Variants in VWC2L observed in about 807,000 individuals in gnomAD.
VWC2L encodes the protein von Willebrand factor C domain containing 2 like.
In VWC2L, 10 loss-of-function variants were observed where a neutral mutation model predicts 21.6. The ratio of observed to expected loss-of-function variants is 0.46; its 90% CI spans 0.29 to 0.78. The LOEUF (loss-of-function observed/expected upper bound fraction) is 0.78, where lower values mean the gene tolerates loss of function less well. Among genes scored for constraint, VWC2L ranks in the 30% least tolerant of loss-of-function variants. The pLI is 0.10. For missense variants in VWC2L, 209 were observed against 277.1 expected (o/e 0.75, Z 1.74); for synonymous variants, 96 against 94.3 (o/e 1.02, Z -0.10).
At chr2:214,511,852 T>G (rs1049985257) in intron 3 of VWC2L, among the ~76,000 whole-genome samples, 26 of 143,450 alleles carry the variant, frequency 1.8e-4, no homozygotes, top group Non-Finnish European at 1.5e-5. Flanking sequence ...ACTTTATATA[T>G]ATATACTCTA....
At chr2:214,490,683 CAGG>C (rs965564837) in intron 3 of VWC2L, among the ~76,000 whole-genome samples, 3 of 152,078 alleles carry the variant, frequency 2.0e-5, no homozygotes, top group African/African-American at 7.2e-5. Flanking sequence ...TTACAAGTGC[CAGG>C]AGAAGAAAGT....
intron 3 of VWC2L, among the ~76,000 whole-genome samples, chr2:214,541,038 A>G (rs1262625260): frequency 3.3e-5 from 5 of 152,180 alleles, no homozygotes; most frequent in African/African-American, 7.2e-5. Flanking sequence ...CTTGGAAAGG[A>G]TAAGATCACA....
chr2:214,502,334 G>A (rs1486093408), intron 3 of VWC2L, among the ~76,000 whole-genome samples: 1 of 152,202 alleles, frequency 6.6e-6, no homozygotes, highest in Non-Finnish European at 1.5e-5. Flanking sequence ...CACTTCGGGA[G>A]GCTGAGGCAG....
At chr2:214,479,033 C>A (rs1239108180) in intron 3 of VWC2L, among the ~76,000 whole-genome samples, 2 of 152,192 alleles carry the variant, frequency 1.3e-5, no homozygotes, top group Non-Finnish European at 2.9e-5. Context: ...GCTATTTCCT[C>A]AAAAGTCTCT....
intron 3 of VWC2L, among the ~76,000 whole-genome samples, chr2:214,527,600 T>A (rs1689363497): frequency 6.6e-6 from 1 of 152,088 alleles, no homozygotes; most frequent in African/African-American, 2.4e-5. Flanking sequence ...TATCTCTACC[T>A]GGAATATCTG....
chr2:214,422,923 A>T (rs531937960), intron 2 of VWC2L, among the ~76,000 whole-genome samples: 27 of 152,290 alleles, frequency 1.8e-4, no homozygotes, highest in African/African-American at 6.3e-4. Flanking sequence ...TATGTCACAT[A>T]ACCATGAACA....
At position 214,559,874 on chromosome 2, in the gene VWC2L, T is replaced by C. The variant is rs531931452; in HGVS notation, c.521-15798T>C. Among the ~76,000 whole-genome samples the C allele has an allele frequency of 5.3e-5, 8 of 152,364 alleles. No homozygotes were observed. The South Asian group carries it at 1.7e-3, about 32-fold the overall frequency. On this transcript the variant is annotated intron_variant, in intron 3 of 3. Transcript: ENST00000312504. ...CCTCAGCCTCCCAAAGTGCTGGGATTATAGGCATGAGCCACTGAGCCCAGC... is the reference window on the plus strand; with the variant it reads ...CCTCAGCCTCCCAAAGTGCTGGGATCATAGGCATGAGCCACTGAGCCCAGC...
intron 3 of VWC2L, among the ~76,000 whole-genome samples, chr2:214,453,061 G>A (rs538953193): frequency 3.3e-5 from 5 of 152,102 alleles, no homozygotes; most frequent in East Asian, 3.9e-4. Flanking sequence ...TTGGGAGAGC[G>A]GTTTTTAATT....
At chr2:214,472,205 C>A (rs1169979963) in intron 3 of VWC2L, 1 of 152,116 alleles carries the variant, frequency 6.6e-6, no homozygotes, top group Non-Finnish European at 1.5e-5. Context: ...TGCCCCTAAC[C>A]AGAAGGATGT....
At chr2:214,513,584 A>C (rs1052206816) in intron 3 of VWC2L, among the ~76,000 whole-genome samples, 1 of 152,098 alleles carries the variant, frequency 6.6e-6, no homozygotes, top group African/African-American at 2.4e-5. Context: ...TGAGTCCAAC[A>C]TGATATGTGG....
intron 3 of VWC2L, among the ~76,000 whole-genome samples, chr2:214,517,905 G>A (rs150449212): frequency 2.6e-5 from 4 of 152,316 alleles, no homozygotes; most frequent in East Asian, 1.9e-4. Flanking sequence ...GGTGGCTCAC[G>A]CCTGTAATAC....
chr2:214,426,230 C>T (rs1702523412), intron 2 of VWC2L, among the ~76,000 whole-genome samples: 1 of 145,294 alleles, frequency 6.9e-6, no homozygotes, highest in Middle Eastern at 3.7e-3. Context: ...GGAAGATATG[C>T]TAAGAGTGGG....
chr2:214,411,981 T>A (rs1396754499), intron 1 of VWC2L, among the ~76,000 whole-genome samples, 195 bp downstream of exon 1: 1 of 152,118 alleles, frequency 6.6e-6, no homozygotes, highest in Non-Finnish European at 1.5e-5. Flanking sequence ...TTTCTTCTCT[T>A]AAATAGTATC....
At chr2:214,536,843 C>G (rs1689539023) in intron 3 of VWC2L, 1 of 151,962 alleles carries the variant, frequency 6.6e-6, no homozygotes, top group Non-Finnish European at 1.5e-5. Flanking sequence ...TAGCATTCTT[C>G]CCAATAGCAA....
intron 3 of VWC2L, among the ~76,000 whole-genome samples, chr2:214,532,072 T>A (rs1351732451): frequency 6.6e-6 from 1 of 152,144 alleles, no homozygotes; most frequent in Non-Finnish European, 1.5e-5. Context: ...TTATAAATTT[T>A]GAGATCATGA....
At chr2:214,524,025 T>A (rs1201175272) in intron 3 of VWC2L, among the ~76,000 whole-genome samples, 1 of 152,210 alleles carries the variant, frequency 6.6e-6, no homozygotes, top group African/African-American at 2.4e-5. Context: ...ATGTCTTATA[T>A]AGTCATAAAG....
intron 3 of VWC2L, among the ~76,000 whole-genome samples, chr2:214,442,413 G>C (rs1227071229): frequency 6.6e-6 from 1 of 152,002 alleles, no homozygotes; most frequent in Non-Finnish European, 1.5e-5. Context: ...AAAATACAAA[G>C]TTTCACAAAA....
chr2:214,538,456 T>G (rs1262760565), intron 3 of VWC2L, among the ~76,000 whole-genome samples: 2 of 152,082 alleles, frequency 1.3e-5, no homozygotes, highest in Non-Finnish European at 2.9e-5. Context: ...GCAAGTAACT[T>G]CGTGGCTTCA....
At chr2:214,519,327 A>G (rs1683749700) in intron 3 of VWC2L, among the ~76,000 whole-genome samples, 1 of 152,192 alleles carries the variant, frequency 6.6e-6, no homozygotes, top group Non-Finnish European at 1.5e-5. Context: ...TAGAAATATA[A>G]GATGATAAAA....
Sources: allele counts gnomAD v4.1 joint callset (sites outside exome capture counted in the v4.1 genomes callset), GRCh38; gene constraint gnomAD v4.1.1; transcripts MANE v1.5; gene names NCBI Gene and HGNC (gene_info 2026-07-23, HGNC 2026-07-21).